Variants in AKAP13 observed in about 807,000 individuals in gnomAD.
AKAP13 encodes the protein A-kinase anchoring protein 13, also known as A-kinase anchor protein 13.
A neutral mutation model predicts 264.5 loss-of-function variants in AKAP13; 80 were observed. That is an observed-to-expected ratio of 0.30 (90% CI 0.25 to 0.36). The LOEUF is 0.36. AKAP13 is among the 10% of genes least tolerant of loss of function. The probability of loss-of-function intolerance (pLI) is 1.00; values close to 1 mark genes in which losing one functional copy is unlikely to be tolerated. For synonymous variants in AKAP13, 1,380 were observed against 1,250.2 expected, an observed-to-expected ratio of 1.10 and a Z score of -2.19; for missense variants, 3,712 against 3,435.2, an observed-to-expected ratio of 1.08 and a Z score of -2.01.
intron 1 of AKAP13, among the ~76,000 whole-genome samples, chr15:85,411,230 G>C (rs886638179): frequency 6.6e-6 from 1 of 152,222 alleles, no homozygotes; most frequent in Non-Finnish European, 1.5e-5. Context: ...ATTCATTACA[G>C]TCATGTACTG....
At chr15:85,514,214 A>G (rs1326215262) in intron 2 of AKAP13, among the ~76,000 whole-genome samples, 1 of 137,688 alleles carries the variant, frequency 7.3e-6, no homozygotes, top group African/African-American at 2.9e-5. Flanking sequence ...TTAAGCAGTC[A>G]GCCCGTCATT....
chr15:85,408,429 CTT>C (rs60835368), intron 1 of AKAP13, among the ~76,000 whole-genome samples: 1,578 of 151,844 alleles, frequency 0.01, 24 homozygotes, highest in Middle Eastern at 0.017. Context: ...TTCCATGACT[CTT>C]TTCATGTTGC....
At chr15:85,603,320 A>G (rs36044792) in intron 8 of AKAP13, among the ~76,000 whole-genome samples, 30,915 of 152,284 alleles carry the variant, frequency 0.2, 4,162 homozygotes, top group Middle Eastern at 0.41. Flanking sequence ...AGTGAAGACT[A>G]TAATGACTCC....
chr15:85,618,033 G>A (rs1191280661), intron 8 of AKAP13, among the ~76,000 whole-genome samples: 1 of 152,202 alleles, frequency 6.6e-6, no homozygotes, highest in Admixed American at 6.5e-5. Context: ...CACGAGAAGG[G>A]GAGGGGTTGT....
At chr15:85,661,792 G>A (rs778364041) in intron 12 of AKAP13, among the ~76,000 whole-genome samples, 2 of 151,822 alleles carry the variant, frequency 1.3e-5, no homozygotes, top group African/African-American at 4.8e-5. Context: ...TATCTTTAAC[G>A]TAACAGCCTA....
chr15:85,542,530 A>G (rs2077607626), intron 4 of AKAP13, among the ~76,000 whole-genome samples: 1 of 152,234 alleles, frequency 6.6e-6, no homozygotes, highest in African/African-American at 2.4e-5. Context: ...CTGGGGTCCA[A>G]AAAGTCCGAG....
chr15:85,580,555 T>G lies in AKAP13; in HGVS notation c.2487T>G (p.Asp829Glu). ...HTATDYRDGP[D>E]GNSNEPDTRP... The stretch of plus-strand genomic sequence containing the variant: ...CTACAGATTATAGAGATGGCCCAGA[T>G]GGAAATTCGAATGAGCCTGATACGC... The change falls in exon 7 of 37, where the codon GAT becomes GAG. Residue 829 changes from aspartate (D) to glutamate (E), a missense_variant. Transcript: ENST00000394518. 3 of 1,614,144 alleles carry G rather than the reference T, an allele frequency of 1.9e-6. No individual in the cohort carries two copies. The highest frequency in any genetic ancestry group is 2.5e-6 in the Non-Finnish European group (3 of 1,180,030).
At chr15:85,550,219 C>G (rs1279160319) in intron 5 of AKAP13, among the ~76,000 whole-genome samples, 4 of 152,136 alleles carry the variant, frequency 2.6e-5, no homozygotes, top group Admixed American at 2.0e-4. Flanking sequence ...CTGGCCATCT[C>G]TGTTTTATAA....
chr15:85,677,803 C>T (rs545321653), intron 14 of AKAP13, among the ~76,000 whole-genome samples: 8 of 152,096 alleles, frequency 5.3e-5, no homozygotes, highest in East Asian at 1.9e-4. Flanking sequence ...TCCGCCACCA[C>T]GCCCAGCTAA....
At position 85,585,712 on chromosome 15, in the gene AKAP13, C is replaced by T. The variant is rs775181331; in HGVS notation, c.4050C>T (p.Asp1350=). The stretch of plus-strand genomic sequence containing the variant: ...CCCCTGCACTTTCAGAAATGCCAGA[C>T]GTGAAAGCTGAAGATGAAGTGGATT... ...QGPEPAAEMP[D]VKAEDEVDFR... Residue 1350 remains aspartate, a synonymous_variant, in exon 8 of 37, where the codon GAC becomes GAT. Transcript: ENST00000394518. 2.9e-5 allele frequency: 47 copies of T among 1,613,962 alleles called. No individual in the cohort carries two copies. The Admixed American group carries it at 3.3e-4, about 11-fold the overall frequency.
chr15:85,698,943 CAAAAA>C (rs10715702), intron 17 of AKAP13, among the ~76,000 whole-genome samples: 12 of 72,830 alleles, frequency 1.6e-4, no homozygotes, highest in Admixed American at 3.5e-4. Context: ...GACCTTGTCT[CAAAAA>C]AAAAAAAAAA....
intron 1 of AKAP13, among the ~76,000 whole-genome samples, chr15:85,394,179 A>C (rs896244861): frequency 6.6e-6 from 1 of 152,236 alleles, no homozygotes; most frequent in Non-Finnish European, 1.5e-5. Flanking sequence ...TAGGGGGAGA[A>C]GGAGTAAGCA....
At chr15:85,587,855 C>G (rs1162027484) in intron 8 of AKAP13, among the ~76,000 whole-genome samples, 1 of 152,116 alleles carries the variant, frequency 6.6e-6, no homozygotes, top group Admixed American at 6.5e-5. Flanking sequence ...GCCATATTGG[C>G]CAGGCTGGTC....
chr15:85,505,174 A>G (rs1164307032), intron 2 of AKAP13, among the ~76,000 whole-genome samples: 1 of 152,244 alleles, frequency 6.6e-6, no homozygotes, highest in Non-Finnish European at 1.5e-5. Context: ...AAACTTGAGT[A>G]GTTTTAATTT....
chr15:85,740,510 C>T (rs1374206456), intron 34 of AKAP13: 24 of 514,580 alleles, frequency 4.7e-5, no homozygotes, highest in East Asian at 3.9e-4. Context: ...CTACAAATCA[C>T]ATAGCATGCT....
In AKAP13 at chr15:85,701,676, CA is replaced by C. The variant is rs1338528294; in HGVS notation, c.5465-6342del. Among the ~76,000 whole-genome samples, 8 of 146,836 alleles carry C rather than the reference CA, an allele frequency of 5.4e-5. No homozygotes were observed. In the East Asian group the frequency reaches 1.6e-3, roughly 30 times the overall value. ...CCAGGCTGGTCTTGAACTCCTGACTCAGGTGATCCACCCTCCTCAGGCTCCC... is the reference window on the plus strand; with the variant it reads ...CCAGGCTGGTCTTGAACTCCTGACTCGGTGATCCACCCTCCTCAGGCTCCC... On this transcript the variant is annotated intron_variant, in intron 17 of 36. Coordinates refer to ENST00000394518, the MANE Select transcript of AKAP13 (RefSeq NM_007200.5).
chr15:85,705,617 T>G (rs980211993), intron 17 of AKAP13, among the ~76,000 whole-genome samples: 1 of 152,216 alleles, frequency 6.6e-6, no homozygotes, highest in African/African-American at 2.4e-5. Flanking sequence ...TTTTAAAAAT[T>G]AAAAATTTTT....
chr15:85,605,461 G>A (rs1285274375), intron 8 of AKAP13, among the ~76,000 whole-genome samples: 1 of 152,152 alleles, frequency 6.6e-6, no homozygotes, highest in East Asian at 1.9e-4. Context: ...AACACACACT[G>A]GGGCCTGTTG....
chr15:85,473,682 G>A (rs2075047268), intron 1 of AKAP13, among the ~76,000 whole-genome samples: 1 of 152,210 alleles, frequency 6.6e-6, no homozygotes, highest in Admixed American at 6.5e-5. Context: ...CATGTCAACT[G>A]AAGAATGATG....
Sources: gnomAD v4.1 joint callset for allele counts (sites outside exome capture counted in the v4.1 genomes callset) on GRCh38, gnomAD v4.1.1 for gene constraint, MANE v1.5 for transcripts, NCBI Gene and HGNC (gene_info 2026-07-23, HGNC 2026-07-21) for gene names.